ZNF652: variants seen among roughly 807,000 people sequenced by gnomAD.
The protein encoded by ZNF652 is zinc finger protein 652.
Under a neutral mutation model 45.2 loss-of-function variants are expected in ZNF652, and 16 were observed. That is an observed-to-expected ratio of 0.35 (90% CI 0.24 to 0.54). ZNF652 has a LOEUF of 0.54. Ranked by LOEUF, ZNF652 falls within the 20% of genes least tolerant of loss-of-function variation. The probability of loss-of-function intolerance (pLI) is 0.91; values close to 1 mark genes in which losing one functional copy is unlikely to be tolerated. For missense variants in ZNF652, 614 were observed against 765.6 expected (o/e 0.80, Z 2.34); for synonymous variants, 250 against 260.6 (o/e 0.96, Z 0.39).
intron 1 of ZNF652, among the ~76,000 whole-genome samples, chr17:49,342,597 A>G (rs190827420): frequency 4.2e-4 from 62 of 147,592 alleles, no homozygotes; most frequent in African/African-American, 1.4e-3. Flanking sequence ...ATGCTACAAC[A>G]TATCTTAACT....
In ZNF652 at chr17:49,298,578, G is replaced by A. The variant is rs2069506752; in HGVS notation, c.1656C>T (p.Ile552=). The change falls in exon 6 of 6, where the codon ATC becomes ATT. Residue 552 remains isoleucine, a synonymous_variant. Coordinates refer to ENST00000430262, the MANE Select transcript of ZNF652 (RefSeq NM_001145365.3). ...PIPHPFSHLH[I]HPHPHHPHHL... ...GGTGTGGGTGGTGAGGGTGTGGGTG[G>A]ATGTGCAGGTGTGAGAAGGGGTGGG... The A allele has an allele frequency of 2.5e-6, 4 of 1,611,216 alleles. No homozygotes were observed. Among genetic ancestry groups the A allele is most frequent in the Non-Finnish European group, 3.4e-6 (4 of 1,178,804 alleles).
At chr17:49,336,057 C>T (rs1390726541) in intron 1 of ZNF652, among the ~76,000 whole-genome samples, 2 of 152,058 alleles carry the variant, frequency 1.3e-5, no homozygotes, top group African/African-American at 4.8e-5. Context: ...CAGAGTCTCC[C>T]GCCATCGCTC....
At chr17:49,346,331 A>C (rs776868397) in intron 1 of ZNF652, among the ~76,000 whole-genome samples, 3 of 152,220 alleles carry the variant, frequency 2.0e-5, no homozygotes, top group Non-Finnish European at 4.4e-5. Context: ...TGGGCAGATC[A>C]CCTGAGGTCA....
At chr17:49,300,699 A>G (rs758913194) in intron 5 of ZNF652, among the ~76,000 whole-genome samples, 6 of 152,138 alleles carry the variant, frequency 3.9e-5, no homozygotes, top group East Asian at 1.9e-4. Flanking sequence ...AACTCCTGCT[A>G]TAAGAGCGTT....
rs754847307 is a variant in ZNF652 at position 49,341,489 on chromosome 17, CA to C, written c.-259+20419del. On this transcript the variant is annotated intron_variant, in intron 1 of 5. Transcript: ENST00000430262. ...GCAACATAGTACGACCTCATCTCTA[CA>C]AAAAAAAAAAAAAAAAAAAAAAAAT... 2.8e-4 allele frequency among the ~76,000 whole-genome samples: 23 copies of C among 82,182 alleles called. No individual in the cohort carries two copies. In the South Asian group the frequency reaches 3.2e-3, roughly 11 times the overall value. The allele number at this position is 82,182 out of a possible 152,430, so 53.9% of individuals were successfully genotyped here.
At chr17:49,323,406 G>A (rs1228765199) in intron 1 of ZNF652, among the ~76,000 whole-genome samples, 2 of 152,158 alleles carry the variant, frequency 1.3e-5, no homozygotes, top group Admixed American at 1.3e-4. Context: ...TTCCTCCACT[G>A]AAGTGTTGAA....
chr17:49,360,542 T>C (rs966690040), intron 1 of ZNF652, among the ~76,000 whole-genome samples: 1 of 152,072 alleles, frequency 6.6e-6, no homozygotes, highest in South Asian at 2.1e-4. Flanking sequence ...GGTCCTGATA[T>C]AAACAACCAA....
Position 49,289,361 on chromosome 17 carries a change from TA to T in ZNF652, c.*9051del, listed in dbSNP as rs2069374561. The T allele has an allele frequency of 2.0e-5, 3 of 152,246 alleles. No homozygotes were observed. The South Asian group carries it at 6.2e-4, about 32-fold the overall frequency. The allele number at this position is 152,246 out of a possible 1,614,324, so 9.4% of individuals were successfully genotyped here. A position where few individuals can be genotyped will look rare whatever the true frequency, so the allele number is the denominator to read the frequency against. ...AATATACAATGCTACATTGAGTGGT[TA>T]AAAATACACAAAAAAGTAGTTTTAA... On this transcript the variant is annotated 3_prime_UTR_variant, in exon 6 of 6. Coordinates refer to ENST00000430262, the MANE Select transcript of ZNF652 (RefSeq NM_001145365.3).
intron 1 of ZNF652, among the ~76,000 whole-genome samples, chr17:49,353,735 G>A (rs1240405595): frequency 1.3e-5 from 2 of 152,162 alleles, no homozygotes; most frequent in East Asian, 1.9e-4. Flanking sequence ...GTGTAGGTAT[G>A]AATGTGAATA....
rs78813335 is a variant in ZNF652 at position 49,315,890 on chromosome 17, G to C, written c.900+936C>G. Among the ~76,000 whole-genome samples the C allele has an allele frequency of 9.2e-3, 1,399 of 152,272 alleles. 22 individuals are homozygous for C. The highest frequency in any genetic ancestry group is 0.032 in the African/African-American group (1,324 of 41,548). On this transcript the variant is annotated intron_variant, in intron 2 of 5. Coordinates refer to ENST00000430262, the MANE Select transcript of ZNF652 (RefSeq NM_001145365.3). ...CAATGATCTCAGATGTTGATTAAAAGCAACAGAAGAAAAGTGAAACTTAAA... is the reference window on the plus strand; with the variant it reads ...CAATGATCTCAGATGTTGATTAAAACCAACAGAAGAAAAGTGAAACTTAAA...
chr17:49,327,730 A>AAT (rs68056731), intron 1 of ZNF652, among the ~76,000 whole-genome samples: 82 of 61,414 alleles, frequency 1.3e-3, no homozygotes, highest in East Asian at 3.4e-3. Flanking sequence ...TAAATAAATA[A>AAT]ATATATATAT....
In ZNF652 at chr17:49,317,028, G is replaced by A. The variant is rs766573244; in HGVS notation, c.698C>T (p.Pro233Leu). ...KKRATKEPKA[P>L]VQKAKCEEKE... Reference sequence around the variant, plus strand: ...CTCTTCACACTTAGCTTTCTGGACTGGTGCTTTGGGCTCCTTTGTGGCCCG... The same window carrying A: ...CTCTTCACACTTAGCTTTCTGGACTAGTGCTTTGGGCTCCTTTGTGGCCCG... The change falls in exon 2 of 6, where the codon CCA becomes CTA. Residue 233 changes from proline (P) to leucine (L), a missense_variant. This residue lies in a region of ZNF652 where 262 missense variants were observed against 306.3 expected (regional missense o/e 0.86). Coordinates refer to ENST00000430262, the MANE Select transcript of ZNF652 (RefSeq NM_001145365.3). 5.6e-6 allele frequency: 9 copies of A among 1,614,108 alleles called. No individual in the cohort carries two copies. The highest frequency in any genetic ancestry group is 2.2e-5 in the South Asian group (2 of 91,082).
intron 1 of ZNF652, among the ~76,000 whole-genome samples, chr17:49,351,014 T>TATATATATACAC (rs2070273379): frequency 1.3e-4 from 4 of 29,710 alleles, no homozygotes; most frequent in Non-Finnish European, 2.2e-4. Flanking sequence ...TATATATATA[T>TATATATATACAC]ACACACACAC....
intron 1 of ZNF652, among the ~76,000 whole-genome samples, chr17:49,353,238 G>A (rs1056460370): frequency 1.3e-5 from 2 of 152,152 alleles, no homozygotes; most frequent in African/African-American, 4.8e-5. Flanking sequence ...CTGGCATGGA[G>A]TGGCATGATT....
chr17:49,332,692 G>A (rs1298923805), intron 1 of ZNF652, among the ~76,000 whole-genome samples: 1 of 152,098 alleles, frequency 6.6e-6, no homozygotes, highest in Non-Finnish European at 1.5e-5. Context: ...TGTTGCTCAG[G>A]CTGGTCTCAA....
chr17:49,301,918 T>C (rs1430179197), intron 5 of ZNF652, among the ~76,000 whole-genome samples: 2 of 151,198 alleles, frequency 1.3e-5, no homozygotes, highest in African/African-American at 4.9e-5. Context: ...ATTAAGCAAA[T>C]CAATTATAGT....
chr17:49,320,580 T>C (rs2069876307), intron 1 of ZNF652, among the ~76,000 whole-genome samples: 1 of 152,220 alleles, frequency 6.6e-6, no homozygotes. Context: ...TTTGTACCAG[T>C]TTCATGCCTC....
intron 1 of ZNF652, among the ~76,000 whole-genome samples, chr17:49,350,970 CATATATATATATATATATATATAT>C (rs372720324): frequency 3.8e-3 from 161 of 42,272 alleles, no homozygotes; most frequent in Non-Finnish European, 5.5e-3. Context: ...ACTCTGTCTA[CATATATATATATATATATATATAT>C]ATATATATAT....
intron 1 of ZNF652, among the ~76,000 whole-genome samples, chr17:49,334,979 G>A (rs529787993): frequency 6.6e-6 from 1 of 152,164 alleles, no homozygotes; most frequent in East Asian, 1.9e-4. Context: ...GAGGAGGGGG[G>A]AGTGACTGCT....
Sources: allele counts gnomAD v4.1 joint callset (sites outside exome capture counted in the v4.1 genomes callset), GRCh38; gene constraint gnomAD v4.1.1; regional missense constraint gnomAD v4.1.1; transcripts MANE v1.5; gene names NCBI Gene and HGNC (gene_info 2026-07-23, HGNC 2026-07-21).